Variants in DPYD observed in about 807,000 individuals in gnomAD.
DPYD encodes the protein dihydropyrimidine dehydrogenase [NADP(+)].
DPYD carries 109 observed loss-of-function variants against 116.2 expected under a neutral mutation model. The ratio of observed to expected loss-of-function variants is 0.94; its 90% CI spans 0.80 to 1.10. The LOEUF (loss-of-function observed/expected upper bound fraction) is 1.10, where lower values mean the gene tolerates loss of function less well. Among genes scored for constraint, DPYD ranks in the 50% least tolerant of loss-of-function variants. The pLI is 0.00. For synonymous variants in DPYD, 440 were observed against 432.0 expected (o/e 1.02, Z -0.23); for missense variants, 1,302 against 1,254.5 (o/e 1.04, Z -0.57).
intron 4 of DPYD, among the ~76,000 whole-genome samples, chr1:97,724,954 A>AGAGAGG (rs1491173727): frequency 5.9e-3 from 3 of 512 alleles, no homozygotes; most frequent in Non-Finnish European, 0.019. Flanking sequence ...AGGGAAGGAA[A>AGAGAGG]GAGAGAGAGA....
At chr1:97,155,284 TG>T (rs1214909459) in intron 20 of DPYD, among the ~76,000 whole-genome samples, 1 of 152,334 alleles carries the variant, frequency 6.6e-6, no homozygotes, top group South Asian at 2.1e-4. Context: ...TATTTCCAAG[TG>T]TTGTCATAAG....
intron 20 of DPYD, among the ~76,000 whole-genome samples, chr1:97,137,922 C>T (rs568612845): frequency 3.8e-4 from 58 of 151,932 alleles, no homozygotes; most frequent in Non-Finnish European, 6.8e-4. Context: ...GGGTGCACAC[C>T]TTAACATAAA....
At chr1:97,887,367 G>A (rs564056478) in intron 1 of DPYD, among the ~76,000 whole-genome samples, 4 of 149,736 alleles carry the variant, frequency 2.7e-5, no homozygotes, top group Admixed American at 6.7e-5. Context: ...CTACTCAGAA[G>A]GCTGAAGCAG....
chr1:97,743,650 A>C (rs1156366334), intron 3 of DPYD, among the ~76,000 whole-genome samples: 1 of 152,116 alleles, frequency 6.6e-6, no homozygotes, highest in Non-Finnish European at 1.5e-5. Context: ...AAATAGCAGA[A>C]ATGCATGTCA....
At chr1:97,686,729 C>T (rs1017703541) in intron 7 of DPYD, among the ~76,000 whole-genome samples, 5 of 147,320 alleles carry the variant, frequency 3.4e-5, no homozygotes, top group African/African-American at 1.0e-4. Flanking sequence ...CCATTCAGGA[C>T]ATAGGCACGG....
At chr1:97,644,333 C>T (rs79385582) in intron 8 of DPYD, among the ~76,000 whole-genome samples, 13,408 of 152,168 alleles carry the variant, frequency 0.088, 813 homozygotes, top group Non-Finnish European at 0.12. Flanking sequence ...TTCTTGCCAT[C>T]GCTTTCTGAC....
At chr1:97,755,367 G>A (rs998008569) in intron 3 of DPYD, among the ~76,000 whole-genome samples, 1 of 152,098 alleles carries the variant, frequency 6.6e-6, no homozygotes, top group Non-Finnish European at 1.5e-5. Context: ...ATCCATGCCT[G>A]GGCAACTCTC....
At chr1:97,768,433 T>C (rs1287247925) in intron 3 of DPYD, among the ~76,000 whole-genome samples, 1 of 152,172 alleles carries the variant, frequency 6.6e-6, no homozygotes, top group Non-Finnish European at 1.5e-5. Context: ...CATCATTATA[T>C]AGGCAAGAAT....
At chr1:97,397,150 T>C (rs1375434235) in intron 14 of DPYD, among the ~76,000 whole-genome samples, 1 of 152,014 alleles carries the variant, frequency 6.6e-6, no homozygotes, top group Non-Finnish European at 1.5e-5. Context: ...AAACCTTCCG[T>C]TTCATCCCTA....
At chr1:97,538,405 T>C (rs2102046498) in intron 12 of DPYD, among the ~76,000 whole-genome samples, 1 of 152,316 alleles carries the variant, frequency 6.6e-6, no homozygotes, top group Non-Finnish European at 1.5e-5. Context: ...TCTGTCACTC[T>C]TGACCTGGGG....
At chr1:97,466,289 G>A (rs1351065625) in intron 13 of DPYD, among the ~76,000 whole-genome samples, 1 of 152,094 alleles carries the variant, frequency 6.6e-6, no homozygotes, top group Non-Finnish European at 1.5e-5. Context: ...CTATCACTTT[G>A]GTTAAAATAC....
intron 16 of DPYD, among the ~76,000 whole-genome samples, chr1:97,332,813 G>T (rs1005055493): frequency 1.3e-5 from 2 of 152,086 alleles, no homozygotes; most frequent in African/African-American, 4.8e-5. Flanking sequence ...GAGAGTCATA[G>T]ACTAAACATT....
intron 16 of DPYD, among the ~76,000 whole-genome samples, chr1:97,314,497 T>TTC (rs1376184494): frequency 6.7e-6 from 1 of 150,064 alleles, no homozygotes; most frequent in Non-Finnish European, 1.5e-5. Context: ...TTTCTTTTTT[T>TTC]TTTTTTTTTT....
chr1:97,190,549 T>C (rs1204718391), intron 20 of DPYD, among the ~76,000 whole-genome samples: 1 of 152,164 alleles, frequency 6.6e-6, no homozygotes, highest in East Asian at 1.9e-4. Context: ...CTGATGACTG[T>C]TCTTCTCAGG....
intron 3 of DPYD, among the ~76,000 whole-genome samples, chr1:97,803,060 T>C (rs778845467): frequency 3.9e-5 from 6 of 151,952 alleles, no homozygotes; most frequent in Non-Finnish European, 7.4e-5. Context: ...GGTATGAAAT[T>C]ATTACAATGA....
chr1:97,222,288 G>T lies in DPYD; in HGVS notation c.2442+12564C>A, dbSNP rs186809898. Among the ~76,000 whole-genome samples, 42 of 152,206 alleles carry T rather than the reference G, an allele frequency of 2.8e-4. No individual in the cohort carries two copies. In the East Asian group the frequency reaches 7.9e-3, roughly 29 times the overall value. ...ATTTAGGCAAGGACATTTATATAAG[G>T]TGAGGAATTTTCTGTAGCTATACGC... On this transcript the variant is annotated intron_variant, in intron 19 of 22. Coordinates refer to ENST00000370192, the MANE Select transcript of DPYD (RefSeq NM_000110.4).
At chr1:97,345,903 T>G (rs2101274162) in intron 16 of DPYD, among the ~76,000 whole-genome samples, 1 of 152,024 alleles carries the variant, frequency 6.6e-6, no homozygotes, top group Non-Finnish European at 1.5e-5. Flanking sequence ...ATGATTTTTT[T>G]TACAAGACTT....
chr1:97,789,138 G>A (rs1283248252), intron 3 of DPYD, among the ~76,000 whole-genome samples: 5 of 152,082 alleles, frequency 3.3e-5, no homozygotes, highest in Non-Finnish European at 7.4e-5. Context: ...GAAATAACCT[G>A]CACTGGGGTA....
intron 4 of DPYD, among the ~76,000 whole-genome samples, chr1:97,724,182 C>T (rs1261394531): frequency 1.6e-4 from 24 of 151,542 alleles, no homozygotes. Flanking sequence ...GTTAACATCT[C>T]ACTTTATGGT....
Sources: allele counts gnomAD v4.1 joint callset (sites outside exome capture counted in the v4.1 genomes callset), GRCh38; gene constraint gnomAD v4.1.1; transcripts MANE v1.5; gene names NCBI Gene and HGNC (gene_info 2026-07-23, HGNC 2026-07-21).